The following RAPGEF1 variants were observed in gnomAD, a reference collection of about 807,000 sequenced individuals.
The protein encoded by RAPGEF1 is CRK SH3-binding GNRP.
In RAPGEF1, 33 loss-of-function variants were observed where a neutral mutation model predicts 143.3. That is an observed-to-expected ratio of 0.23 (90% CI 0.17 to 0.31). RAPGEF1 has a LOEUF of 0.31. RAPGEF1 is among the 10% of genes least tolerant of loss of function. The probability of loss-of-function intolerance (pLI) is 1.00; values close to 1 mark genes in which losing one functional copy is unlikely to be tolerated. For synonymous variants in RAPGEF1, 629 were observed against 676.5 expected, an observed-to-expected ratio of 0.93 and a Z score of 1.09; for missense variants, 1,199 against 1,645.4, an observed-to-expected ratio of 0.73 and a Z score of 4.69.
chr9:131,630,306 T>C lies in RAPGEF1; in HGVS notation c.670A>G (p.Ile224Val). ...GGAGACGGACGTCCCTGCTTCTCGA[T>C]GGTGAGCCTGACCAGCTCCTACCCC... ...DGVKELVRLT[I>V]EKQGRPSPTS... Residue 224 changes from isoleucine to valine, a missense_variant, in exon 6 of 27, where the codon ATC (isoleucine) becomes GTC (valine). Ile to Val is a conservative substitution (Grantham distance 29). This residue lies in a region of RAPGEF1 where 613 missense variants were observed against 710.9 expected (regional missense o/e 0.86). Coordinates refer to ENST00000683357, the MANE Select transcript of RAPGEF1 (RefSeq NM_001377935.1). The C allele has an allele frequency of 1.9e-6, 3 of 1,613,868 alleles. No individual in the cohort carries two copies. Among genetic ancestry groups the C allele is most frequent in the African/African-American group, 1.3e-5 (1 of 74,998 alleles).
intron 1 of RAPGEF1, among the ~76,000 whole-genome samples, chr9:131,708,319 A>G (rs17553206): frequency 0.23 from 34,565 of 152,188 alleles, 4,571 homozygotes; most frequent in Non-Finnish European, 0.3. Flanking sequence ...GAAGTCTCGC[A>G]TATGTCATCT....
chr9:131,629,325 G>C, intron 6 of RAPGEF1, 71 bp from the exon 7 acceptor site: 2 of 1,454,134 alleles, frequency 1.4e-6, no homozygotes, highest in Non-Finnish European at 9.4e-7. Context: ...GGCCCTGAGA[G>C]GGTGAGGACG....
chr9:131,669,470 C>CA (rs1361009985), intron 1 of RAPGEF1, among the ~76,000 whole-genome samples: 1 of 152,188 alleles, frequency 6.6e-6, no homozygotes, highest in Non-Finnish European at 1.5e-5. Flanking sequence ...TCATCCACCC[C>CA]TTCACTCCAT....
chr9:131,681,765 T>C (rs1187911887), intron 1 of RAPGEF1, among the ~76,000 whole-genome samples: 1 of 152,048 alleles, frequency 6.6e-6, no homozygotes, highest in African/African-American at 2.4e-5. Flanking sequence ...ATAGAACAGC[T>C]TAGAGGAGTG....
intron 4 of RAPGEF1, 132 bp from the exon 5 acceptor site, chr9:131,638,923 A>G: frequency 1.2e-6 from 1 of 845,834 alleles, no homozygotes; most frequent in Non-Finnish European, 1.8e-6. Flanking sequence ...GCCTTTTAAT[A>G]AGCAAACTTC....
rs1970681322 is a variant in RAPGEF1, at chr9:131,650,007, C to T, written c.315+122G>A. On this transcript the variant is annotated intron_variant, in intron 3 of 26. Coordinates refer to ENST00000683357, the MANE Select transcript of RAPGEF1 (RefSeq NM_001377935.1). This position sits in a 1 kb window ranked among gnomAD's most constrained non-coding sequence, Gnocchi z 4.7. Reference sequence around the variant, plus strand: ...ACTCTTTCCTGAACAATTCAGCCCACGGTCACCACCCAGTTGAACATAATA... The same window carrying T: ...ACTCTTTCCTGAACAATTCAGCCCATGGTCACCACCCAGTTGAACATAATA... The T allele has an allele frequency of 2.1e-5, 16 of 748,062 alleles. No homozygotes were observed. The highest frequency in any genetic ancestry group is 8.7e-5 in the Admixed American group (3 of 34,654). 46.3% of individuals were successfully genotyped at this position (748,062 alleles called of 1,614,324 possible). A position where few individuals can be genotyped will look rare whatever the true frequency, so the allele number is the denominator to read the frequency against.
rs1292958574 is a variant in RAPGEF1, at chr9:131,621,105, G to A, written c.1905+691C>T. On this transcript the variant is annotated intron_variant, in intron 11 of 26. Transcript: ENST00000683357. The surrounding 1 kb of genome is among the most constrained non-coding windows in gnomAD (Gnocchi z 4.5). The stretch of plus-strand genomic sequence containing the variant: ...GGAGAAAGTTTGGAGGGATGCCACA[G>A]GTACCCCCGATCTGCTCACCCTCCC... Among the ~76,000 whole-genome samples, 2 of 152,238 alleles carry A rather than the reference G, an allele frequency of 1.3e-5. No individual in the cohort carries two copies. Among genetic ancestry groups the A allele is most frequent in the African/African-American group, 4.8e-5 (2 of 41,464 alleles).
At chr9:131,720,042 C>CA (rs1836157303) in intron 1 of RAPGEF1, among the ~76,000 whole-genome samples, 1 of 152,128 alleles carries the variant, frequency 6.6e-6, no homozygotes, top group African/African-American at 2.4e-5. Flanking sequence ...TGGGCCACCA[C>CA]ACCCAGCTAA....
In RAPGEF1 at chr9:131,675,238, T is replaced by TC. The variant is rs1220811468; in HGVS notation, c.62-24290dup. 6.6e-6 allele frequency among the ~76,000 whole-genome samples: 1 copy of TC among 152,072 alleles called. No homozygotes were observed. Among genetic ancestry groups the TC allele is most frequent in the African/African-American group, 2.4e-5 (1 of 41,410 alleles). On this transcript the variant is annotated intron_variant, in intron 1 of 26. Coordinates refer to ENST00000683357, the MANE Select transcript of RAPGEF1 (RefSeq NM_001377935.1). The surrounding 1 kb of genome is among the most constrained non-coding windows in gnomAD (Gnocchi z 4.6). ...GAGGCACGGACCGAGGGGAAAATGC[T>TC]CCCAGCAGAGGGATGAGCACATCTG...
chr9:131,705,060 G>C (rs946390465), intron 1 of RAPGEF1, among the ~76,000 whole-genome samples: 3 of 152,126 alleles, frequency 2.0e-5, no homozygotes, highest in Non-Finnish European at 2.9e-5. Context: ...TTACTACTTT[G>C]GGCAGTTAAA....
intron 1 of RAPGEF1, among the ~76,000 whole-genome samples, chr9:131,673,565 C>G (rs1831750280): frequency 6.6e-6 from 1 of 152,194 alleles, no homozygotes; most frequent in Non-Finnish European, 1.5e-5. Flanking sequence ...TTGGAACCAA[C>G]TGTAAATCAA....
At chr9:131,609,791 AG>A (rs1307394144) in intron 12 of RAPGEF1, among the ~76,000 whole-genome samples, 4 of 152,282 alleles carry the variant, frequency 2.6e-5, no homozygotes, top group African/African-American at 9.6e-5. Flanking sequence ...TACTTAGAAA[AG>A]GCACTAGTTT....
chr9:131,610,585 C>T (rs575074411), intron 12 of RAPGEF1, among the ~76,000 whole-genome samples: 7 of 152,298 alleles, frequency 4.6e-5, no homozygotes, highest in South Asian at 4.2e-4. Flanking sequence ...AGCTGGTTTT[C>T]GGGCTTAAAT....
At position 131,619,136 on chromosome 9, in the gene RAPGEF1, G is replaced by C. The variant is rs1336172030; in HGVS notation, c.1976C>G (p.Pro659Arg). Reference protein sequence around the residue: ...CVQQTKVAFTPEDGSAAQGLS... With the variant: ...CVQQTKVAFTREDGSAAQGLS... ...GCCCTGAGCGGCACTGCCGTCCTCG[G>C]GGGTGAAGGCCACTTTAGTTTGCTG... The change falls in exon 12 of 27, where the codon CCC (proline) becomes CGC (arginine). Residue 659 changes from proline (P) to arginine (R), a missense_variant. Transcript: ENST00000683357. 7.5e-7 allele frequency: 1 copy of C among 1,329,002 alleles called. No individual in the cohort carries two copies. The highest frequency in any genetic ancestry group is 5.1e-5 in the East Asian group (1 of 19,788). 82.3% of individuals were successfully genotyped at this position (1,329,002 alleles called of 1,614,324 possible).
At chr9:131,737,483 T>C in intron 1 of RAPGEF1, 3 of 1,613,676 alleles carry the variant, frequency 1.9e-6, no homozygotes, top group Non-Finnish European at 2.5e-6. Flanking sequence ...CAAGCTTCTC[T>C]GGGAGCAGGC....
intron 3 of RAPGEF1, among the ~76,000 whole-genome samples, chr9:131,645,749 GC>G (rs1470840280): frequency 6.6e-6 from 1 of 152,226 alleles, no homozygotes; most frequent in Non-Finnish European, 1.5e-5. Flanking sequence ...GAGGGCAGGT[GC>G]GTTCACCTGC....
intron 1 of RAPGEF1, among the ~76,000 whole-genome samples, chr9:131,658,262 G>C (rs1588841701): frequency 6.6e-6 from 1 of 152,188 alleles, no homozygotes; most frequent in Non-Finnish European, 1.5e-5. Flanking sequence ...AGTCCTAGTT[G>C]CTCCATATTC....
chr9:131,684,060 T>G (rs1417950177), intron 1 of RAPGEF1, among the ~76,000 whole-genome samples: 1 of 152,260 alleles, frequency 6.6e-6, no homozygotes, highest in Non-Finnish European at 1.5e-5. Flanking sequence ...TGTTAGTGCC[T>G]CTGGTCTCAA....
intron 1 of RAPGEF1, among the ~76,000 whole-genome samples, chr9:131,683,745 G>A (rs1833104656): frequency 6.6e-6 from 1 of 152,246 alleles, no homozygotes; most frequent in African/African-American, 2.4e-5. Flanking sequence ...AGCGGAGCTT[G>A]TAGCTGTAAT....
Sources: gnomAD v4.1 joint callset for allele counts (sites outside exome capture counted in the v4.1 genomes callset) on GRCh38, gnomAD v4.1.1 for gene constraint, gnomAD v4.1.1 regional missense constraint, Gnocchi (gnomAD v3.1) non-coding constraint, MANE v1.5 for transcripts, NCBI Gene and HGNC (gene_info 2026-07-23, HGNC 2026-07-21) for gene names.